PIEZO2: variants seen among roughly 807,000 people sequenced by gnomAD.
PIEZO2 encodes the protein piezo-type mechanosensitive ion channel component 2.
Under a neutral mutation model 337.3 loss-of-function variants are expected in PIEZO2, and 172 were observed. The observed-to-expected ratio is 0.51, with a 90% confidence interval of 0.45 to 0.58. The LOEUF (loss-of-function observed/expected upper bound fraction) is 0.58. Ranked by LOEUF, PIEZO2 falls within the 20% of genes least tolerant of loss-of-function variation. The pLI is 0.00. For synonymous variants in PIEZO2, 1,251 were observed against 1,228.5 expected (o/e 1.02, Z -0.38); for missense variants, 3,028 against 3,391.3 (o/e 0.89, Z 2.66).
At chr18:10,796,001 T>C (rs1259014106) in intron 12 of PIEZO2, among the ~76,000 whole-genome samples, 1 of 151,938 alleles carries the variant, frequency 6.6e-6, no homozygotes, top group African/African-American at 2.4e-5. Flanking sequence ...GAAACACACA[T>C]AAACTGAGAG....
At chr18:11,133,924 A>G (rs2040410527) in intron 1 of PIEZO2, among the ~76,000 whole-genome samples, 1 of 152,118 alleles carries the variant, frequency 6.6e-6, no homozygotes, top group African/African-American at 2.4e-5. Flanking sequence ...TCCCTCTAAG[A>G]GAACCTTGAC....
chr18:10,685,486 T>A (rs1441480853), intron 49 of PIEZO2, among the ~76,000 whole-genome samples: 2 of 152,206 alleles, frequency 1.3e-5, no homozygotes, highest in Non-Finnish European at 1.5e-5. Flanking sequence ...ATTTAAGTCT[T>A]TGTTGGCATG....
At chr18:10,787,565 C>A (rs1278326999) in intron 15 of PIEZO2, among the ~76,000 whole-genome samples, 3 of 152,190 alleles carry the variant, frequency 2.0e-5, no homozygotes, top group Admixed American at 1.3e-4. Flanking sequence ...CAGAGAAAAC[C>A]ACATCCATTT....
chr18:10,743,109 A>T (rs576167075), intron 31 of PIEZO2, among the ~76,000 whole-genome samples: 77 of 152,288 alleles, frequency 5.1e-4, no homozygotes, highest in African/African-American at 1.8e-3. Context: ...ATTCTTCTAG[A>T]CCTGATTTGG....
In PIEZO2 at chr18:10,672,562, A is replaced by T. The variant is rs2033824826; in HGVS notation, c.8345+128T>A. On this transcript the variant is annotated intron_variant, in intron 55 of 55. Transcript: ENST00000674853. This position sits in a 1 kb window ranked among gnomAD's most constrained non-coding sequence, Gnocchi z 4.7. ...TTTTTGAAATAAAATGCACACAAGG[A>T]TGTGTGCATTTTAATACTGCAGCTC... 1.0e-6 allele frequency: 1 copy of T among 984,124 alleles called. No homozygotes were observed. The highest frequency in any genetic ancestry group is 1.6e-5 in the South Asian group (1 of 61,944). 61.0% of individuals were successfully genotyped at this position (984,124 alleles called of 1,614,324 possible). A position where few individuals can be genotyped will look rare whatever the true frequency, so the allele number is the denominator to read the frequency against.
intron 27 of PIEZO2, among the ~76,000 whole-genome samples, chr18:10,755,820 G>A (rs1249672166): frequency 1.4e-5 from 2 of 144,806 alleles, no homozygotes; most frequent in Non-Finnish European, 3.1e-5. Context: ...GTGAGGATGA[G>A]GACCAAGGGA....
chr18:10,671,820 A>G, intron 55 of PIEZO2, 41 bp from the exon 56 acceptor site: 1 of 1,485,046 alleles, frequency 6.7e-7, no homozygotes, highest in Non-Finnish European at 9.0e-7. Flanking sequence ...CAGCAGTTAA[A>G]TATAGTTAAT....
At chr18:11,005,671 G>A (rs1394475295) in intron 2 of PIEZO2, among the ~76,000 whole-genome samples, 9 of 152,184 alleles carry the variant, frequency 5.9e-5, no homozygotes, top group South Asian at 2.1e-4. Flanking sequence ...TTAGCTGGCC[G>A]GGAGGAGGGA....
At position 10,724,847 on chromosome 18, in the gene PIEZO2, T is replaced by C. The variant is rs2036464834; in HGVS notation, c.5029+6560A>G. The stretch of plus-strand genomic sequence containing the variant: ...ATGCACCTGGGCCACGGCGGCCACA[T>C]GCGTCGCAGTGAGAGCACCTACTCT... On this transcript the variant is annotated intron_variant, in intron 36 of 55. Transcript: ENST00000674853. This position sits in a 1 kb window ranked among gnomAD's most constrained non-coding sequence, Gnocchi z 5.8. The C allele has an allele frequency of 6.2e-7, 1 of 1,603,276 alleles. No individual in the cohort carries two copies. Among genetic ancestry groups the C allele is most frequent in the African/African-American group, 1.3e-5 (1 of 74,786 alleles).
At chr18:10,808,236 A>C (rs1258308585) in intron 7 of PIEZO2, among the ~76,000 whole-genome samples, 8 of 152,134 alleles carry the variant, frequency 5.3e-5, no homozygotes, top group Non-Finnish European at 1.5e-5. Context: ...ACACAAGGGT[A>C]TGCCACCATA....
intron 2 of PIEZO2, among the ~76,000 whole-genome samples, chr18:11,061,898 G>A (rs2037974914): frequency 6.6e-6 from 1 of 152,040 alleles, no homozygotes; most frequent in South Asian, 2.1e-4. Flanking sequence ...CACAGAATTG[G>A]AAAAAACTAC....
At chr18:10,715,552 A>G in intron 38 of PIEZO2, 98 bp downstream of exon 38, 1 of 1,146,090 alleles carries the variant, frequency 8.7e-7, no homozygotes, top group Non-Finnish European at 1.2e-6. Flanking sequence ...GCCTGGAAAG[A>G]AAGGGCTTTG....
chr18:10,900,862 C>T (rs2043028247), intron 4 of PIEZO2, among the ~76,000 whole-genome samples: 1 of 152,196 alleles, frequency 6.6e-6, no homozygotes, highest in Admixed American at 6.5e-5. Flanking sequence ...AAAATCCTTT[C>T]AATTCAGTGC....
In PIEZO2 at chr18:10,819,869, TTC is replaced by T. The variant is rs967127482; in HGVS notation, c.918-12597_918-12596del. On this transcript the variant is annotated intron_variant, in intron 7 of 55. Coordinates refer to ENST00000674853, the MANE Select transcript of PIEZO2 (RefSeq NM_001378183.1). This position sits in a 1 kb window ranked among gnomAD's most constrained non-coding sequence, Gnocchi z 4.3. ...GTAGTGCAGGTCTGCTGGTGCAAAA[TTC>T]TCTCAGTCTTTCGTATCTGATAATA... Among the ~76,000 whole-genome samples, 1 of 152,194 alleles carries T rather than the reference TTC, an allele frequency of 6.6e-6. No homozygotes were observed. Among genetic ancestry groups the T allele is most frequent in the African/African-American group, 2.4e-5 (1 of 41,460 alleles).
intron 3 of PIEZO2, among the ~76,000 whole-genome samples, chr18:10,922,198 G>A (rs190616551): frequency 6.6e-6 from 1 of 152,024 alleles, no homozygotes; most frequent in Non-Finnish European, 1.5e-5. Flanking sequence ...GGCTTGTGGG[G>A]CATCACAGAA....
rs765382760 is a variant in PIEZO2, at chr18:10,795,314, ATAT to A, written c.1528-315_1528-313del. ...GTTAAGTAGCAAAATGTGTATTCAAATATTTTATTTTATTTTATTTTATTTTAT... is the reference window on the plus strand; with the variant it reads ...GTTAAGTAGCAAAATGTGTATTCAAATTTATTTTATTTTATTTTATTTTAT... On this transcript the variant is annotated intron_variant, in intron 12 of 55. Transcript: ENST00000674853. This position sits in a 1 kb window ranked among gnomAD's most constrained non-coding sequence, Gnocchi z 4.4. Among the ~76,000 whole-genome samples the A allele has an allele frequency of 2.3e-5, 2 of 88,518 alleles. No individual in the cohort carries two copies. The highest frequency in any genetic ancestry group is 3.7e-4 in the South Asian group (1 of 2,672). The allele number at this position is 88,518 out of a possible 152,430, so 58.1% of individuals were successfully genotyped here.
chr18:10,831,009 C>A (rs1201055375), intron 7 of PIEZO2, among the ~76,000 whole-genome samples: 1 of 152,002 alleles, frequency 6.6e-6, no homozygotes, highest in Admixed American at 6.6e-5. Context: ...GGCTTTTATC[C>A]AAACAAAGGC....
chr18:11,122,635 T>G (rs759014849), intron 1 of PIEZO2, among the ~76,000 whole-genome samples: 1 of 152,180 alleles, frequency 6.6e-6, no homozygotes, highest in Non-Finnish European at 1.5e-5. Flanking sequence ...TGTATTTCTA[T>G]TAATTAAAAA....
chr18:10,749,752 T>C (rs1333666656), intron 29 of PIEZO2, among the ~76,000 whole-genome samples: 4 of 152,156 alleles, frequency 2.6e-5, no homozygotes, highest in African/African-American at 9.7e-5. Context: ...AGACATTAAG[T>C]GGAGCAACAG....
Sources: allele counts gnomAD v4.1 joint callset (sites outside exome capture counted in the v4.1 genomes callset), GRCh38; gene constraint gnomAD v4.1.1; non-coding constraint Gnocchi (gnomAD v3.1); transcripts MANE v1.5; gene names NCBI Gene and HGNC (gene_info 2026-07-23, HGNC 2026-07-21).